The following MREG variants were observed in gnomAD, a reference collection of about 807,000 sequenced individuals.
MREG encodes the protein melanoregulin, also known as dilute suppressor protein homolog.
Under a neutral mutation model 28.5 loss-of-function variants are expected in MREG, and 31 were observed. The observed-to-expected ratio is 1.09, with a 90% confidence interval of 0.82 to 1.47. The LOEUF is 1.47. MREG is among the 40% of genes most tolerant of loss of function. The probability of loss-of-function intolerance (pLI) is 0.00; values close to 1 mark genes in which losing one functional copy is unlikely to be tolerated. For synonymous variants in MREG, 106 were observed against 95.2 expected (o/e 1.11, Z -0.66); for missense variants, 256 against 257.4 (o/e 0.99, Z 0.04).
chr2:215,969,549 C>T (rs1693033023), intron 2 of MREG, among the ~76,000 whole-genome samples: 1 of 152,128 alleles, frequency 6.6e-6, no homozygotes, highest in African/African-American at 2.4e-5. Flanking sequence ...CAGAGAAAAA[C>T]AAATGATGTG....
chr2:216,015,410 T>C (rs953051523), upstream of MREG, among the ~76,000 whole-genome samples: 4 of 152,002 alleles, frequency 2.6e-5, no homozygotes, highest in South Asian at 4.2e-4. Flanking sequence ...TGGGAGAATA[T>C]GGACTCTAGG....
intron 1 of MREG, among the ~76,000 whole-genome samples, chr2:216,031,607 GGAA>G (rs1694701794): frequency 8.0e-6 from 1 of 125,066 alleles, no homozygotes; most frequent in Non-Finnish European, 1.7e-5. Flanking sequence ...AAGGAAAGAA[GGAA>G]GAAAAGAAAG....
chr2:215,960,830 T>C (rs13010073), intron 2 of MREG, among the ~76,000 whole-genome samples: 19 of 151,640 alleles, frequency 1.3e-4, no homozygotes, highest in African/African-American at 4.1e-4. Context: ...CGAGACTCCA[T>C]CACAAAAAAA....
At position 216,002,166 on chromosome 2, in the gene MREG, C is replaced by T. The variant is rs141390236; in HGVS notation, c.96-5701G>A. On this transcript the variant is annotated intron_variant, in intron 1 of 4. Coordinates refer to ENST00000263268, the MANE Select transcript of MREG (RefSeq NM_018000.3). ...TGAGAGGTGGCTCTGATATTACACACTAAGCTGCTTTTACTCTCAAAAGGT... is the reference window on the plus strand; with the variant it reads ...TGAGAGGTGGCTCTGATATTACACATTAAGCTGCTTTTACTCTCAAAAGGT... Among the ~76,000 whole-genome samples the T allele has an allele frequency of 5.3e-5, 8 of 152,334 alleles. No individual in the cohort carries two copies. In the East Asian group the frequency reaches 1.5e-3, roughly 29 times the overall value.
At chr2:216,005,963 G>C (rs559617403) in intron 1 of MREG, among the ~76,000 whole-genome samples, 1 of 151,560 alleles carries the variant, frequency 6.6e-6, no homozygotes, top group South Asian at 2.1e-4. Flanking sequence ...CAAAAGAATA[G>C]AGTGCATGGT....
At chr2:215,972,655 T>C (rs1693135642) in intron 2 of MREG, among the ~76,000 whole-genome samples, 1 of 151,780 alleles carries the variant, frequency 6.6e-6, no homozygotes, top group African/African-American at 2.4e-5. Flanking sequence ...GGAAGCATTT[T>C]GGGATATGGA....
chr2:215,960,521 G>A (rs1363598489), intron 2 of MREG, among the ~76,000 whole-genome samples: 1 of 152,126 alleles, frequency 6.6e-6, no homozygotes, highest in South Asian at 2.1e-4. Context: ...TGTGAATTCT[G>A]AACAAGGCAG....
At chr2:215,997,240 G>A (rs938324719) in intron 1 of MREG, among the ~76,000 whole-genome samples, 20 of 152,166 alleles carry the variant, frequency 1.3e-4, no homozygotes, top group African/African-American at 4.3e-4. Flanking sequence ...TAATAAACAT[G>A]CGTACCCAAA....
intron 1 of MREG, among the ~76,000 whole-genome samples, chr2:215,998,424 A>G (rs1693930815): frequency 6.6e-6 from 1 of 152,146 alleles, no homozygotes; most frequent in African/African-American, 2.4e-5. Context: ...GGCTAGCAGG[A>G]GACCAGCTAC....
chr2:215,950,118 T>A (rs189650360), intron 2 of MREG, among the ~76,000 whole-genome samples: 84 of 152,342 alleles, frequency 5.5e-4, no homozygotes, highest in African/African-American at 2.0e-3. Context: ...AGTTGCCTCG[T>A]ATGTTCACAC....
intron 1 of MREG, among the ~76,000 whole-genome samples, chr2:216,011,959 G>A (rs1694322650): frequency 6.6e-6 from 1 of 152,190 alleles, no homozygotes; most frequent in Admixed American, 6.5e-5. Context: ...AAAAATCTAA[G>A]TGGGAGTGTC....
chr2:215,951,276 T>C (rs1692476721), intron 2 of MREG, among the ~76,000 whole-genome samples: 2 of 152,198 alleles, frequency 1.3e-5, no homozygotes, highest in Non-Finnish European at 2.9e-5. Flanking sequence ...ATTACATCTC[T>C]CCATAACTAA....
chr2:215,974,229 TAAC>T (rs959599489), intron 2 of MREG, among the ~76,000 whole-genome samples: 3 of 152,238 alleles, frequency 2.0e-5, no homozygotes, highest in East Asian at 1.9e-4. Flanking sequence ...AAGGATTATG[TAAC>T]AACAAGTATC....
intron 2 of MREG, among the ~76,000 whole-genome samples, chr2:215,974,224 T>C (rs1693180784): frequency 6.6e-6 from 1 of 151,994 alleles, no homozygotes; most frequent in Admixed American, 6.6e-5. Context: ...TGTGTAAGGA[T>C]TATGTAACAA....
intron 2 of MREG, among the ~76,000 whole-genome samples, chr2:215,957,456 G>A (rs972054634): frequency 6.0e-5 from 9 of 150,822 alleles, no homozygotes; most frequent in Non-Finnish European, 1.3e-4. Context: ...TCTCCACTTT[G>A]TCCCCACTTC....
intron 2 of MREG, among the ~76,000 whole-genome samples, chr2:215,948,972 G>A (rs1043940552): frequency 1.3e-5 from 2 of 151,528 alleles, no homozygotes; most frequent in Admixed American, 6.6e-5. Flanking sequence ...GAACACAGAG[G>A]TGAGCAGATC....
rs1299134727 is a variant in MREG at position 216,030,942 on chromosome 2, TCTCTCTCTCTCTCTCA to T, written c.-68+1831_-68+1846del. The stretch of plus-strand genomic sequence containing the variant: ...ATGAGGCCCATTCTCTCTCTCTCTC[TCTCTCTCTCTCTCTCA>T]CACACACACACACACACACACACAC... On this transcript the variant is annotated intron_variant, in intron 1 of 3. Coordinates refer to the MREG transcript ENST00000420348. Among the ~76,000 whole-genome samples the T allele has an allele frequency of 7.7e-4, 47 of 61,306 alleles. No homozygotes were observed. In the East Asian group the frequency reaches 8.8e-3, roughly 11 times the overall value. The allele number at this position is 61,306 out of a possible 152,430, so 40.2% of individuals were successfully genotyped here.
chr2:215,951,550 C>T (rs2105970719), intron 2 of MREG, among the ~76,000 whole-genome samples: 1 of 152,202 alleles, frequency 6.6e-6, no homozygotes, highest in African/African-American at 2.4e-5. Flanking sequence ...GATGCCGTGG[C>T]CCTGAACTTT....
At chr2:215,997,675 T>A (rs563599891) in intron 1 of MREG, among the ~76,000 whole-genome samples, 82 of 152,234 alleles carry the variant, frequency 5.4e-4, no homozygotes, top group Non-Finnish European at 9.3e-4. Context: ...CAGGAGGCCA[T>A]GAGAACATAT....
Sources: gnomAD v4.1 joint callset for allele counts (sites outside exome capture counted in the v4.1 genomes callset) on GRCh38, gnomAD v4.1.1 for gene constraint, MANE v1.5 for transcripts, NCBI Gene and HGNC (gene_info 2026-07-23, HGNC 2026-07-21) for gene names.